Variants in NXPE2 observed in about 807,000 individuals in gnomAD.
The protein encoded by NXPE2 is neurexophilin and PC-esterase domain family member 2.
Under a neutral mutation model 34.4 loss-of-function variants are expected in NXPE2, and 34 were observed. The observed-to-expected ratio is 0.99, with a 90% CI of 0.75 to 1.31. The LOEUF is 1.31. Among genes scored for constraint, NXPE2 ranks in the 40% most tolerant of loss-of-function variants. The pLI, the probability that NXPE2 is intolerant of heterozygous loss-of-function variation, is 0.00. For missense variants in NXPE2, 649 were observed against 672.5 expected, an observed-to-expected ratio of 0.97 and a Z score of 0.39; for synonymous variants, 235 against 231.3, an observed-to-expected ratio of 1.02 and a Z score of -0.15.
At chr11:114,726,259 T>C in the NXPE2 span, among the ~76,000 whole-genome samples, 17 of 152,128 alleles carry the variant, frequency 1.1e-4, no homozygotes, top group Non-Finnish European at 2.4e-4. Flanking sequence ...TTTTATGTTA[T>C]ATGCCAGTCT....
At chr11:114,772,164 A>G in the NXPE2 span, among the ~76,000 whole-genome samples, 1 of 152,214 alleles carries the variant, frequency 6.6e-6, no homozygotes, top group African/African-American at 2.4e-5. Flanking sequence ...TTCTCTTTCC[A>G]AAGATAGCGT....
the NXPE2 span, among the ~76,000 whole-genome samples, chr11:114,615,277 T>C: frequency 2.7e-5 from 4 of 150,856 alleles, no homozygotes; most frequent in Non-Finnish European, 4.4e-5. Flanking sequence ...CTTGTGGGTA[T>C]CCACTGTTAC....
chr11:114,758,851 A>G, the NXPE2 span, among the ~76,000 whole-genome samples: 52 of 148,742 alleles, frequency 3.5e-4, no homozygotes, highest in African/African-American at 5.6e-4. Flanking sequence ...ATACATAAAT[A>G]TATAACACAT....
At chr11:114,536,530 G>A in the NXPE2 span, among the ~76,000 whole-genome samples, 132 of 152,072 alleles carry the variant, frequency 8.7e-4, no homozygotes, top group East Asian at 2.5e-3. Context: ...TTGATAGACC[G>A]CTAGCAAGAC....
chr11:114,527,751 T>C, the NXPE2 span: 10 of 804,992 alleles, frequency 1.2e-5, no homozygotes, highest in East Asian at 2.7e-5. Context: ...CTGCTAGGAA[T>C]TGTGCTCCAG....
the NXPE2 span, among the ~76,000 whole-genome samples, chr11:114,599,947 T>C: frequency 6.6e-6 from 1 of 152,090 alleles, no homozygotes; most frequent in Non-Finnish European, 1.5e-5. Flanking sequence ...TGAGTTCATA[T>C]CTATACAAGT....
the NXPE2 span, among the ~76,000 whole-genome samples, chr11:114,542,077 T>C: frequency 6.6e-6 from 1 of 152,288 alleles, no homozygotes. Context: ...TATGTTGAGA[T>C]TTTTTGCTAG....
At chr11:114,805,461 C>A in the NXPE2 span, among the ~76,000 whole-genome samples, 1 of 152,194 alleles carries the variant, frequency 6.6e-6, no homozygotes, top group South Asian at 2.1e-4. Context: ...TGACAGACAC[C>A]ACCTGGAAAA....
chr11:114,698,832 CTGCCTAGTAGTTT>C, intron 3 of NXPE2, 54 bp downstream of exon 3: 1 of 1,433,152 alleles, frequency 7.0e-7, no homozygotes, highest in Non-Finnish European at 9.1e-7. Context: ...CGACCAAACT[CTGCCTAGTAGTTT>C]TGCCTAATCA....
At chr11:114,672,223 C>T in the NXPE2 span, among the ~76,000 whole-genome samples, 6 of 151,888 alleles carry the variant, frequency 4.0e-5, no homozygotes, top group Admixed American at 6.6e-5. Flanking sequence ...GGTGGGGACA[C>T]AGAACCAAAC....
At chr11:114,696,340 C>CAAAAAAAAAAAAAAAAA (rs773266644) in intron 2 of NXPE2, among the ~76,000 whole-genome samples, 31 of 64,470 alleles carry the variant, frequency 4.8e-4, no homozygotes, top group East Asian at 1.1e-3. Flanking sequence ...TCAAAAAAAC[C>CAAAAAAAAAAAAAAAAA]AAAAAAAAAA....
At chr11:114,679,494 A>C (rs1442573387) in intron 1 of NXPE2, among the ~76,000 whole-genome samples, 163 bp from the exon 2 acceptor site, 1 of 152,058 alleles carries the variant, frequency 6.6e-6, no homozygotes, top group East Asian at 1.9e-4. Context: ...GCCTCAGGGA[A>C]ACACTTTGTT....
At chr11:114,769,147 G>A in the NXPE2 span, among the ~76,000 whole-genome samples, 3 of 151,916 alleles carry the variant, frequency 2.0e-5, no homozygotes, top group African/African-American at 4.8e-5. Context: ...AGTGGATGAA[G>A]GATATGAATG....
chr11:114,521,729 C>A, the NXPE2 span: 4 of 427,180 alleles, frequency 9.4e-6, no homozygotes, highest in South Asian at 1.1e-4. Context: ...TTTTAAAAAA[C>A]TTTTTTAATA....
the NXPE2 span, among the ~76,000 whole-genome samples, chr11:114,752,330 G>C: frequency 6.6e-6 from 1 of 152,152 alleles, no homozygotes. Flanking sequence ...TTCATGCAGC[G>C]GTCTGCAGGT....
the NXPE2 span, among the ~76,000 whole-genome samples, chr11:114,556,896 C>CT: frequency 0.016 from 2,294 of 140,630 alleles, 28 homozygotes; most frequent in African/African-American, 0.023. Context: ...CCCTTTTTGA[C>CT]TTTTTTTTTT....
chr11:114,737,535 C>A, the NXPE2 span, among the ~76,000 whole-genome samples: 166 of 152,114 alleles, frequency 1.1e-3, 6 homozygotes, highest in Non-Finnish European at 4.1e-4. Context: ...TCAGCAAGAA[C>A]GTTCCTTAGG....
At chr11:114,740,475 T>C in the NXPE2 span, among the ~76,000 whole-genome samples, 27 of 152,204 alleles carry the variant, frequency 1.8e-4, no homozygotes, top group Admixed American at 5.2e-4. Flanking sequence ...CCTTTGTATA[T>C]ATACCCAGAA....
At chr11:114,530,115 A>G in the NXPE2 span, 1 of 1,499,122 alleles carries the variant, frequency 6.7e-7, no homozygotes, top group Non-Finnish European at 9.0e-7. Context: ...TGGGCAATGT[A>G]GCTCTGACTG....
Sources: gnomAD v4.1 joint callset for allele counts (sites outside exome capture counted in the v4.1 genomes callset) on GRCh38, gnomAD v4.1.1 for gene constraint, MANE v1.5 for transcripts, NCBI Gene and HGNC (gene_info 2026-07-23, HGNC 2026-07-21) for gene names.